Variants in COL11A1 observed in about 807,000 individuals in gnomAD.
COL11A1 encodes collagen type XI alpha 1 chain.
In COL11A1, 74 loss-of-function variants were observed where a neutral mutation model predicts 265.2. The observed-to-expected ratio is 0.28, with a 90% CI of 0.23 to 0.34. The LOEUF (loss-of-function observed/expected upper bound fraction) is 0.34. Among genes scored for constraint, COL11A1 ranks in the 10% least tolerant of loss-of-function variants. The pLI is 1.00. For synonymous variants in COL11A1, 816 were observed against 727.6 expected (o/e 1.12, Z -1.96); for missense variants, 2,165 against 2,263.6 (o/e 0.96, Z 0.88).
intron 4 of COL11A1, among the ~76,000 whole-genome samples, chr1:103,050,816 AACAG>A (rs1669752551): frequency 6.6e-6 from 1 of 152,272 alleles, no homozygotes; most frequent in South Asian, 2.1e-4. Flanking sequence ...TTTTCCTTCT[AACAG>A]ACAGGTCCGT....
chr1:102,992,851 G>T (rs1398214092), intron 28 of COL11A1, among the ~76,000 whole-genome samples: 1 of 151,960 alleles, frequency 6.6e-6, no homozygotes, highest in African/African-American at 2.4e-5. Flanking sequence ...AGAACTTTTG[G>T]TTCCCAATTT....
At position 103,078,809 on chromosome 1, in the gene COL11A1, A is replaced by T; in HGVS notation, c.337T>A (p.Ser113Thr). 1 of 1,612,262 alleles carries T rather than the reference A, an allele frequency of 6.2e-7. No homozygotes were observed. The highest frequency in any genetic ancestry group is 8.5e-7 in the Non-Finnish European group (1 of 1,178,736). ...FTVKPKKGIQ[S>T]FLLSIYNEHG... Reference sequence around the variant, plus strand: ...TCATTATATATAGATAAAAGGAAAGACTGAATTCCTTTTTTTGGTTTTACT... The same window carrying T: ...TCATTATATATAGATAAAAGGAAAGTCTGAATTCCTTTTTTTGGTTTTACT... The change falls in exon 3 of 67, where the codon TCT becomes ACT. Residue 113 changes from serine (S) to threonine (T), a missense_variant. Physicochemically the swap from Ser to Thr is moderately conservative, Grantham distance 58. Transcript: ENST00000370096.
chr1:103,081,385 T>C (rs534734725), intron 2 of COL11A1, among the ~76,000 whole-genome samples: 1 of 151,906 alleles, frequency 6.6e-6, no homozygotes, highest in Non-Finnish European at 1.5e-5. Flanking sequence ...TGCAGCAGAG[T>C]GCACATAAAT....
At chr1:103,094,528 G>A (rs575527607) in intron 1 of COL11A1, among the ~76,000 whole-genome samples, 43 of 152,050 alleles carry the variant, frequency 2.8e-4, no homozygotes, top group Middle Eastern at 3.4e-3. Flanking sequence ...GTGTGTCTGC[G>A]TCTCCTGCCT....
chr1:102,933,606 G>A (rs1349594946), intron 46 of COL11A1, among the ~76,000 whole-genome samples: 13 of 152,188 alleles, frequency 8.5e-5, no homozygotes, highest in Admixed American at 7.8e-4. Context: ...CTTGAGCTGT[G>A]GTGGGCTCCA....
intron 28 of COL11A1, among the ~76,000 whole-genome samples, chr1:102,995,134 T>C (rs1023795186): frequency 1.3e-5 from 2 of 152,162 alleles, no homozygotes; most frequent in Non-Finnish European, 2.9e-5. Flanking sequence ...TGGGTGGGCA[T>C]ACAGCTAAAC....
chr1:102,881,777 G>C lies in COL11A1; in HGVS notation c.4972-12C>G, dbSNP rs2101018021. ...GATGAAATTCTTACCTGTTGCAAAG[G>C]AACAGAAAAGTTAGTGAGTAGGTGA... On this transcript the variant is annotated splice_polypyrimidine_tract_variant and intron_variant, in intron 64 of 66. Transcript: ENST00000370096. 1 of 1,610,030 alleles carries C rather than the reference G, an allele frequency of 6.2e-7. No individual in the cohort carries two copies. The highest frequency in any genetic ancestry group is 8.5e-7 in the Non-Finnish European group (1 of 1,177,194).
intron 36 of COL11A1, among the ~76,000 whole-genome samples, chr1:102,972,504 C>G (rs1388501990): frequency 6.6e-6 from 1 of 152,010 alleles, no homozygotes; most frequent in East Asian, 1.9e-4. Flanking sequence ...TATCATTTTT[C>G]TTGATTTAAG....
intron 2 of COL11A1, among the ~76,000 whole-genome samples, chr1:103,081,643 T>C (rs763120655): frequency 1.3e-5 from 2 of 152,010 alleles, no homozygotes; most frequent in Non-Finnish European, 2.9e-5. Context: ...CTATGAAAAG[T>C]GTACTGTGCT....
rs1251281802 is a variant in COL11A1 at position 102,884,090 on chromosome 1, G to A, written c.4859-779C>T. ...GTGATATACATGTAAACATTACTTT[G>A]CTTCCTTCTGTTGGGACTCAGAAAA... On this transcript the variant is annotated intron_variant, in intron 63 of 66. Transcript: ENST00000370096. Among the ~76,000 whole-genome samples, 5 of 152,084 alleles carry A rather than the reference G, an allele frequency of 3.3e-5. No homozygotes were observed. In the South Asian group the frequency reaches 1.0e-3, roughly 32 times the overall value.
chr1:103,102,081 T>G (rs2102420932), intron 1 of COL11A1, among the ~76,000 whole-genome samples: 1 of 152,206 alleles, frequency 6.6e-6, no homozygotes, highest in East Asian at 1.9e-4. Flanking sequence ...CTTTCATCTT[T>G]GCTACAAGCT....
intron 46 of COL11A1, 85 bp from the exon 47 acceptor site, chr1:102,923,474 T>C: frequency 1.9e-6 from 2 of 1,033,234 alleles, no homozygotes; most frequent in Non-Finnish European, 2.9e-6. Context: ...TAAAATCAAG[T>C]ATAAAGTTCA....
At chr1:103,039,719 C>A (rs1668659872) in intron 4 of COL11A1, among the ~76,000 whole-genome samples, 1 of 151,468 alleles carries the variant, frequency 6.6e-6, no homozygotes, top group South Asian at 2.1e-4. Context: ...CCCTAAAAAA[C>A]TAATATAAAT....
intron 25 of COL11A1, 80 bp downstream of exon 25, chr1:102,998,230 A>G (rs1664808405): frequency 8.5e-7 from 1 of 1,172,266 alleles, no homozygotes; most frequent in Admixed American, 1.7e-5. Flanking sequence ...AACCTCATAT[A>G]ATCATTTCTA....
intron 54 of COL11A1, among the ~76,000 whole-genome samples, chr1:102,901,987 A>T (rs1653267173): frequency 6.6e-6 from 1 of 152,216 alleles, no homozygotes; most frequent in African/African-American, 2.4e-5. Context: ...ATAAACAAAG[A>T]TGATATCAGT....
At chr1:102,978,544 TTGG>T (rs916087357) in intron 35 of COL11A1, among the ~76,000 whole-genome samples, 161 bp downstream of exon 35, 1 of 152,204 alleles carries the variant, frequency 6.6e-6, no homozygotes, top group Non-Finnish European at 1.5e-5. Context: ...AGCTTTTTTA[TTGG>T]TGAAGAGGAA....
chr1:103,088,344 A>G (rs892479030), intron 1 of COL11A1, among the ~76,000 whole-genome samples: 2 of 134,990 alleles, frequency 1.5e-5, no homozygotes, highest in Non-Finnish European at 1.6e-5. Flanking sequence ...TTTACTTCAA[A>G]GAGTTTTTTT....
chr1:102,951,417 G>C (rs779659556), intron 41 of COL11A1, among the ~76,000 whole-genome samples: 1 of 152,182 alleles, frequency 6.6e-6, no homozygotes, highest in African/African-American at 2.4e-5. Flanking sequence ...TAGGCGTCAC[G>C]CCGGGAGTGG....
chr1:103,042,884 C>T (rs1048655878), intron 4 of COL11A1, among the ~76,000 whole-genome samples: 1 of 150,466 alleles, frequency 6.6e-6, no homozygotes, highest in South Asian at 2.1e-4. Context: ...GAAACACCAT[C>T]TACTTGAAGA....
Sources: allele counts gnomAD v4.1 joint callset (sites outside exome capture counted in the v4.1 genomes callset), GRCh38; gene constraint gnomAD v4.1.1; transcripts MANE v1.5; gene names NCBI Gene and HGNC (gene_info 2026-07-23, HGNC 2026-07-21).